The following PDE10A variants were observed in gnomAD, a reference collection of about 807,000 sequenced individuals.
PDE10A encodes the protein phosphodiesterase 10A, also known as cAMP and cAMP-inhibited cGMP 3',5'-cyclic phosphodiesterase 10A.
A neutral mutation model predicts 97.7 loss-of-function variants in PDE10A; 39 were observed. The ratio of observed to expected loss-of-function variants is 0.40; its 90% CI spans 0.31 to 0.52. PDE10A has a LOEUF of 0.52. Ranked by LOEUF, PDE10A falls within the 20% of genes least tolerant of loss-of-function variation. The probability of loss-of-function intolerance (pLI) is 0.56; values close to 1 mark genes in which losing one functional copy is unlikely to be tolerated. For synonymous variants in PDE10A, 371 were observed against 376.8 expected (o/e 0.98, Z 0.18); for missense variants, 731 against 1,047.8 (o/e 0.70, Z 4.17).
In PDE10A at chr6:165,693,528, C is replaced by CAAAAAAAAA. The variant is rs55830575; in HGVS notation, c.-614-149969_-614-149961dup. Among the ~76,000 whole-genome samples, 4 of 56,756 alleles carry CAAAAAAAAA rather than the reference C, an allele frequency of 7.0e-5. 1 individual carries two copies. Among genetic ancestry groups the CAAAAAAAAA allele is most frequent in the South Asian group, 9.3e-4 (1 of 1,080 alleles). 37.2% of individuals were successfully genotyped at this position (56,756 alleles called of 152,430 possible). ...CTTGGGCGGCAGAGGGAGGCTCCAC[C>CAAAAAAAAA]AAAAAAAAAAAAAAAAAAAAAAAAC... On this transcript the variant is annotated intron_variant, in intron 1 of 19. Coordinates refer to the PDE10A transcript ENST00000366882.
chr6:165,370,763 C>T (rs1239858435), intron 18 of PDE10A, among the ~76,000 whole-genome samples: 2 of 148,698 alleles, frequency 1.3e-5, no homozygotes, highest in Non-Finnish European at 3.0e-5. Flanking sequence ...CACCCCAAAT[C>T]AACAGAATAT....
intron 1 of PDE10A, among the ~76,000 whole-genome samples, chr6:165,824,968 T>TAAAAAAAA (rs71890265): frequency 3.2e-5 from 3 of 92,414 alleles, no homozygotes; most frequent in Admixed American, 1.3e-4. Flanking sequence ...CCGTCTCTAC[T>TAAAAAAAA]AAAAAAAAAA....
At chr6:165,345,164 A>G (rs1782223775) in intron 18 of PDE10A, among the ~76,000 whole-genome samples, 2 of 152,220 alleles carry the variant, frequency 1.3e-5, no homozygotes, top group African/African-American at 4.8e-5. Context: ...ATGGTGAAAT[A>G]ATCTAATAAG....
At chr6:165,509,079 G>C (rs765426799) in intron 2 of PDE10A, among the ~76,000 whole-genome samples, 6 of 151,560 alleles carry the variant, frequency 4.0e-5, no homozygotes, top group Non-Finnish European at 8.8e-5. Flanking sequence ...ATTTACTCAG[G>C]TTCATCCATG....
chr6:165,866,476 C>T (rs937101053), intron 1 of PDE10A, among the ~76,000 whole-genome samples: 5 of 151,436 alleles, frequency 3.3e-5, no homozygotes, highest in African/African-American at 7.3e-5. Context: ...TGCACTGGTG[C>T]GTAAGGGCAT....
intron 7 of PDE10A, among the ~76,000 whole-genome samples, chr6:165,431,882 A>G (rs1789603315): frequency 6.6e-6 from 1 of 152,108 alleles, no homozygotes; most frequent in Non-Finnish European, 1.5e-5. Context: ...GATTTTCACA[A>G]AATTACTACT....
chr6:165,764,169 A>C (rs1184246977), intron 1 of PDE10A, among the ~76,000 whole-genome samples: 1 of 152,212 alleles, frequency 6.6e-6, no homozygotes, highest in Non-Finnish European at 1.5e-5. Context: ...CTGCCTGGGC[A>C]GACCTGGGGC....
chr6:165,507,052 T>C (rs1781237000), intron 2 of PDE10A, among the ~76,000 whole-genome samples: 1 of 151,796 alleles, frequency 6.6e-6, no homozygotes, highest in Non-Finnish European at 1.5e-5. Context: ...AGAGTGTGGT[T>C]GGCTGAAACT....
At chr6:165,631,956 T>C (rs1244589449) in intron 1 of PDE10A, among the ~76,000 whole-genome samples, 1 of 151,878 alleles carries the variant, frequency 6.6e-6, no homozygotes, top group Admixed American at 6.6e-5. Context: ...ATCCCAGCAC[T>C]TTGGGAGGCC....
chr6:165,393,190 T>C (rs1293133441), intron 15 of PDE10A, among the ~76,000 whole-genome samples: 1 of 152,150 alleles, frequency 6.6e-6, no homozygotes, highest in Non-Finnish European at 1.5e-5. Flanking sequence ...TGAGCTAATA[T>C]TTTCCAAAAA....
intron 1 of PDE10A, among the ~76,000 whole-genome samples, chr6:165,751,198 C>T (rs899308705): frequency 1.1e-4 from 16 of 152,328 alleles, no homozygotes; most frequent in Non-Finnish European, 2.1e-4. Context: ...TTCCCACTGG[C>T]CTTCGGTGTT....
At chr6:165,863,403 T>C (rs532702861) in intron 1 of PDE10A, among the ~76,000 whole-genome samples, 89 of 152,328 alleles carry the variant, frequency 5.8e-4, no homozygotes, top group Non-Finnish European at 1.1e-3. Context: ...ACAGGTTTAA[T>C]GTCATCACTA....
chr6:165,448,897 A>G lies in PDE10A; in HGVS notation c.1194+31T>C, dbSNP rs1791068149. On this transcript the variant is annotated intron_variant, in intron 5 of 21. Transcript: ENST00000539869. Reference sequence around the variant, plus strand: ...AGGAGCTTATGATATTTTCTTATCTAGAGCACCAAAATCTAAATTTAGATA... The same window carrying G: ...AGGAGCTTATGATATTTTCTTATCTGGAGCACCAAAATCTAAATTTAGATA... 4 of 1,443,790 alleles carry G rather than the reference A, an allele frequency of 2.8e-6. No homozygotes were observed. The South Asian group carries it at 4.8e-5, about 17-fold the overall frequency. 89.4% of individuals were successfully genotyped at this position (1,443,790 alleles called of 1,614,324 possible). A position where few individuals can be genotyped will look rare whatever the true frequency, so the allele number is the denominator to read the frequency against.
rs1425817157 is a variant in PDE10A, at chr6:165,737,672, C to A, written c.-614-194104G>T. Among the ~76,000 whole-genome samples the A allele has an allele frequency of 2.0e-5, 3 of 152,142 alleles. No homozygotes were observed. The East Asian group carries it at 5.8e-4, about 29-fold the overall frequency. On this transcript the variant is annotated intron_variant, in intron 1 of 19. Coordinates refer to the PDE10A transcript ENST00000366882. ...GTGGTATAGAAGAAATGTACCTCAA[C>A]AAAATAAACCCACAGCTAACATCAC...
intron 1 of PDE10A, among the ~76,000 whole-genome samples, chr6:165,786,598 T>G (rs1001682822): frequency 7.2e-5 from 11 of 152,198 alleles, no homozygotes; most frequent in African/African-American, 2.7e-4. Context: ...AGATGACACA[T>G]GGGCTGTTTT....
At chr6:165,389,070 G>T (rs1785497273) in intron 16 of PDE10A, among the ~76,000 whole-genome samples, 1 of 152,148 alleles carries the variant, frequency 6.6e-6, no homozygotes, top group South Asian at 2.1e-4. Context: ...AGAAGAGCAC[G>T]CCGGGCAGGG....
chr6:165,638,236 A>G (rs979109649), intron 1 of PDE10A, among the ~76,000 whole-genome samples: 1 of 152,086 alleles, frequency 6.6e-6, no homozygotes, highest in Non-Finnish European at 1.5e-5. Context: ...TTTGGCGATG[A>G]TTCTACTATG....
chr6:165,563,605 T>C (rs556796648), intron 1 of PDE10A, among the ~76,000 whole-genome samples: 1 of 152,244 alleles, frequency 6.6e-6, no homozygotes, highest in East Asian at 1.9e-4. Context: ...AAATGGTAGA[T>C]ACAGCTGGGT....
At chr6:165,506,575 T>C (rs185541603) in intron 2 of PDE10A, among the ~76,000 whole-genome samples, 10 of 152,278 alleles carry the variant, frequency 6.6e-5, no homozygotes, top group Admixed American at 6.5e-5. Context: ...ACGTCTGATA[T>C]GGTGAAAAGA....
Sources: gnomAD v4.1 joint callset for allele counts (sites outside exome capture counted in the v4.1 genomes callset) on GRCh38, gnomAD v4.1.1 for gene constraint, MANE v1.5 for transcripts, NCBI Gene and HGNC (gene_info 2026-07-23, HGNC 2026-07-21) for gene names.